Variants in BDH2 observed in about 807,000 individuals in gnomAD.
BDH2 encodes the protein dehydrogenase/reductase SDR family member 6.
BDH2 carries 24 observed loss-of-function variants against 33.2 expected under a neutral mutation model. That is an observed-to-expected ratio of 0.72 (90% CI 0.52 to 1.02). The LOEUF is 1.02. Ranked by LOEUF, BDH2 falls within the 50% of genes least tolerant of loss-of-function variation. BDH2 has a pLI of 0.00. For missense variants in BDH2, 249 were observed against 301.6 expected, an observed-to-expected ratio of 0.83 and a Z score of 1.29; for synonymous variants, 81 against 101.6, an observed-to-expected ratio of 0.80 and a Z score of 1.22.
intron 5 of BDH2, among the ~76,000 whole-genome samples, chr4:103,090,919 G>T (rs1249015937): frequency 6.6e-6 from 1 of 152,162 alleles, no homozygotes; most frequent in Non-Finnish European, 1.5e-5. Context: ...AAGGCACTTT[G>T]TTTAGTTCAC....
chr4:103,096,131 A>T, intron 2 of BDH2, 52 bp downstream of exon 2: 1 of 1,355,510 alleles, frequency 7.4e-7, no homozygotes, highest in Non-Finnish European at 1.0e-6. Context: ...CACATAATTC[A>T]ATATGTCAAG....
At chr4:103,085,297 G>T in intron 7 of BDH2, 52 bp downstream of exon 7, 2 of 1,398,294 alleles carry the variant, frequency 1.4e-6, no homozygotes, top group Non-Finnish European at 2.0e-6. Flanking sequence ...CAAATTGGGT[G>T]TGGAAGTGTT....
chr4:103,095,934 T>C (rs1289598675), intron 2 of BDH2, among the ~76,000 whole-genome samples: 1 of 152,188 alleles, frequency 6.6e-6, no homozygotes, highest in Non-Finnish European at 1.5e-5. Flanking sequence ...AGTAGAGAAG[T>C]TTCTCAGAGT....
Position 103,082,923 on chromosome 4 carries a change from A to G in BDH2, c.539T>C (p.Val180Ala). ...TCTTTCTTGTAGAGATGGCGTATCA[A>G]CTGTTCCTAAATCAAAGGGGGATAT... Reference protein sequence around the residue: ...IRCNCVCPGTVDTPSLQERIQ... With the variant: ...IRCNCVCPGTADTPSLQERIQ... Residue 180 changes from valine (V) to alanine (A), a missense_variant, in exon 8 of 10, where the codon GTT becomes GCT. Coordinates refer to ENST00000296424, the MANE Select transcript of BDH2 (RefSeq NM_020139.4). 6.2e-7 allele frequency: 1 copy of G among 1,612,580 alleles called. No homozygotes were observed.
intron 3 of BDH2, 41 bp downstream of exon 3, chr4:103,095,162 G>A: frequency 6.6e-7 from 1 of 1,510,806 alleles, no homozygotes; most frequent in Admixed American, 1.7e-5. Flanking sequence ...ATAATACCTT[G>A]CAGACACTGA....
chr4:103,087,808 G>C (rs1293858960), intron 5 of BDH2, among the ~76,000 whole-genome samples: 1 of 152,174 alleles, frequency 6.6e-6, no homozygotes, highest in Non-Finnish European at 1.5e-5. Context: ...GTACATAGAA[G>C]TCTCAATAGG....
chr4:103,098,411 C>T (rs1233505161), intron 1 of BDH2, among the ~76,000 whole-genome samples: 1 of 152,238 alleles, frequency 6.6e-6, no homozygotes, highest in East Asian at 1.9e-4. Flanking sequence ...CTGCGGGCCT[C>T]TCTAAATCCC....
At chr4:103,086,816 T>C (rs1277708027) in intron 5 of BDH2, among the ~76,000 whole-genome samples, 1 of 152,078 alleles carries the variant, frequency 6.6e-6, no homozygotes, top group Non-Finnish European at 1.5e-5. Context: ...AGACTACGAG[T>C]GAATGCTGAC....
chr4:103,078,358 C>A lies in BDH2; in HGVS notation c.*1344G>T, dbSNP rs1479261840. Among the ~76,000 whole-genome samples the A allele has an allele frequency of 2.0e-5, 3 of 152,008 alleles. No individual in the cohort carries two copies. The highest frequency in any genetic ancestry group is 7.2e-5 in the African/African-American group (3 of 41,392). On this transcript the variant is annotated 3_prime_UTR_variant, in exon 10 of 10. Coordinates refer to ENST00000296424, the MANE Select transcript of BDH2 (RefSeq NM_020139.4). ...CAGAAACTATGTCCAAATTTTATGT[C>A]CTCTTTTCTGTTATCCTGGAGTTTG...
intron 1 of BDH2, among the ~76,000 whole-genome samples, chr4:103,098,485 GC>G (rs1158622721): frequency 1.3e-5 from 2 of 152,166 alleles, no homozygotes; most frequent in Non-Finnish European, 2.9e-5. Context: ...GGACAATGAG[GC>G]GCAGCTGCTG....
intron 8 of BDH2, 44 bp downstream of exon 8, chr4:103,082,827 T>C (rs1308600240): frequency 6.6e-7 from 1 of 1,516,800 alleles, no homozygotes; most frequent in Admixed American, 1.7e-5. Flanking sequence ...GAAGAGGGCA[T>C]TTATTAACAA....
intron 7 of BDH2, 87 bp from the exon 8 acceptor site, chr4:103,083,016 A>G: frequency 8.3e-7 from 1 of 1,198,818 alleles, no homozygotes; most frequent in Non-Finnish European, 1.2e-6. Context: ...TATGACAATC[A>G]GTGAGATTCT....
At chr4:103,080,532 T>A (rs1747456933) in intron 9 of BDH2, among the ~76,000 whole-genome samples, 1 of 152,192 alleles carries the variant, frequency 6.6e-6, no homozygotes. Context: ...AAGGATATCA[T>A]AATGAATAGA....
rs144002973 is a variant in BDH2 at position 103,096,863 on chromosome 4, C to T, written c.-20-589G>A. On this transcript the variant is annotated intron_variant, in intron 1 of 9. Coordinates refer to ENST00000296424, the MANE Select transcript of BDH2 (RefSeq NM_020139.4). Reference sequence around the variant, plus strand: ...GCCCAGATATTGCACTTTAACCTACCTTATCCTTCCTTCAGTACCTGGAGA... The same window carrying T: ...GCCCAGATATTGCACTTTAACCTACTTTATCCTTCCTTCAGTACCTGGAGA... Among the ~76,000 whole-genome samples the T allele has an allele frequency of 1.1e-3, 170 of 152,138 alleles. 3 individuals are homozygous for T. The highest frequency in any genetic ancestry group is 3.7e-3 in the African/African-American group (152 of 41,492).
At position 103,077,844 on chromosome 4, in the gene BDH2, T is replaced by C. The variant is rs771933924; in HGVS notation, c.*1858A>G. Among the ~76,000 whole-genome samples the C allele has an allele frequency of 6.6e-6, 1 of 152,196 alleles. No homozygotes were observed. Among genetic ancestry groups the C allele is most frequent in the Non-Finnish European group, 1.5e-5 (1 of 68,032 alleles). On this transcript the variant is annotated 3_prime_UTR_variant, in exon 10 of 10. Coordinates refer to ENST00000296424, the MANE Select transcript of BDH2 (RefSeq NM_020139.4). Reference sequence around the variant, plus strand: ...CCAGAAAACTAAAATCCAAGATAGATTGGGTGACTTGGTCTAGATCACAAA... The same window carrying C: ...CCAGAAAACTAAAATCCAAGATAGACTGGGTGACTTGGTCTAGATCACAAA...
At chr4:103,092,447 T>C in intron 4 of BDH2, 153 bp downstream of exon 4, 1 of 628,350 alleles carries the variant, frequency 1.6e-6, no homozygotes, top group South Asian at 2.0e-5. Flanking sequence ...GAATTTTATG[T>C]GTAATGAAAA....
intron 5 of BDH2, among the ~76,000 whole-genome samples, chr4:103,088,983 T>C (rs1342213876): frequency 1.3e-5 from 2 of 152,228 alleles, no homozygotes; most frequent in African/African-American, 2.4e-5. Flanking sequence ...TCTCTTCTGG[T>C]GGAGCCTGGA....
At chr4:103,086,364 T>C (rs1191412864) in intron 6 of BDH2, 116 bp downstream of exon 6, 2 of 1,401,494 alleles carry the variant, frequency 1.4e-6, no homozygotes, top group Non-Finnish European at 1.9e-6. Context: ...AAAAAGCAGT[T>C]TTGAAATCAT....
intron 9 of BDH2, 84 bp from the exon 10 acceptor site, chr4:103,079,839 A>G (rs1747422464): frequency 7.8e-7 from 1 of 1,274,730 alleles, no homozygotes; most frequent in Admixed American, 1.8e-5. Context: ...GACTAGGATA[A>G]CTAAACAATT....
Sources: allele counts gnomAD v4.1 joint callset (sites outside exome capture counted in the v4.1 genomes callset), GRCh38; gene constraint gnomAD v4.1.1; transcripts MANE v1.5; gene names NCBI Gene and HGNC (gene_info 2026-07-23, HGNC 2026-07-21).